Variants in CPEB3 observed in about 807,000 individuals in gnomAD.
CPEB3 encodes cytoplasmic polyadenylation element-binding protein 3.
In CPEB3, 20 loss-of-function variants were observed where a neutral mutation model predicts 67.2. The observed-to-expected ratio is 0.30, with a 90% CI of 0.21 to 0.43. CPEB3 has a LOEUF of 0.43. Ranked by LOEUF, CPEB3 falls within the 20% of genes least tolerant of loss-of-function variation. The pLI is 1.00. For synonymous variants in CPEB3, 376 were observed against 393.1 expected, an observed-to-expected ratio of 0.96 and a Z score of 0.51; for missense variants, 746 against 968.6, an observed-to-expected ratio of 0.77 and a Z score of 3.05.
intron 7 of CPEB3, among the ~76,000 whole-genome samples, chr10:92,098,331 G>A (rs923006032): frequency 1.3e-4 from 20 of 151,352 alleles, no homozygotes; most frequent in African/African-American, 4.9e-4. Flanking sequence ...TTTTTGAGAC[G>A]GAGTTTCGCT....
At chr10:92,062,500 T>C (rs987095032) in intron 9 of CPEB3, among the ~76,000 whole-genome samples, 1 of 152,128 alleles carries the variant, frequency 6.6e-6, no homozygotes, top group Admixed American at 6.6e-5. Context: ...GGAGTGCCTG[T>C]TCCTTGTCAG....
chr10:92,154,687 G>C (rs990388780), intron 4 of CPEB3, among the ~76,000 whole-genome samples: 3 of 152,152 alleles, frequency 2.0e-5, no homozygotes, highest in Admixed American at 6.5e-5. Flanking sequence ...TGTACTCCAA[G>C]CCTCTGGTCA....
intron 7 of CPEB3, among the ~76,000 whole-genome samples, chr10:92,101,460 G>A (rs992033188): frequency 4.6e-5 from 7 of 152,092 alleles, no homozygotes; most frequent in African/African-American, 1.7e-4. Flanking sequence ...TAATAGCCAG[G>A]ATGAGTCAGC....
At chr10:92,267,126 T>C (rs1841356859) in intron 1 of CPEB3, among the ~76,000 whole-genome samples, 1 of 152,116 alleles carries the variant, frequency 6.6e-6, no homozygotes, top group Non-Finnish European at 1.5e-5. Flanking sequence ...TGGTAGAGGA[T>C]GCAGAGGGAA....
At chr10:92,283,316 T>TA (rs1395388461) in intron 1 of CPEB3, among the ~76,000 whole-genome samples, 1 of 152,166 alleles carries the variant, frequency 6.6e-6, no homozygotes, top group Non-Finnish European at 1.5e-5. Context: ...CAGTAATAAT[T>TA]ATTAAGAGCC....
chr10:92,131,790 A>G (rs1590205984), intron 6 of CPEB3, among the ~76,000 whole-genome samples: 1 of 152,312 alleles, frequency 6.6e-6, no homozygotes, highest in Non-Finnish European at 1.5e-5. Context: ...CGTTTTCTGT[A>G]AAGAGATGTG....
Position 92,065,560 on chromosome 10 carries a change from GAGGAAAATTTCAACCCC to G in CPEB3, c.1870-13138_1870-13122del, listed in dbSNP as rs893473034. 1.5e-4 allele frequency among the ~76,000 whole-genome samples: 23 copies of G among 152,242 alleles called. No individual in the cohort carries two copies. The South Asian group carries it at 1.7e-3, about 11-fold the overall frequency. ...AAATGAGTATTATTTCTGACCGATAGAGGAAAATTTCAACCCCAGGAAAATTTCAACCCCAGTTCACT... is the reference window on the plus strand; with the variant it reads ...AAATGAGTATTATTTCTGACCGATAGAGGAAAATTTCAACCCCAGTTCACT... On this transcript the variant is annotated intron_variant, in intron 9 of 9. Transcript: ENST00000265997.
At chr10:92,280,330 C>G (rs1446298764) in intron 1 of CPEB3, among the ~76,000 whole-genome samples, 6 of 66,384 alleles carry the variant, frequency 9.0e-5, no homozygotes, top group African/African-American at 3.7e-4. Flanking sequence ...GCAACAAGAG[C>G]AAAACTCCAT....
At chr10:92,149,596 G>A (rs558159494) in intron 4 of CPEB3, among the ~76,000 whole-genome samples, 3 of 152,192 alleles carry the variant, frequency 2.0e-5, no homozygotes, top group African/African-American at 7.2e-5. Context: ...AGTGGTTATG[G>A]GTAATTAAGA....
In CPEB3 at chr10:92,079,148, T is replaced by C. The variant is rs540450719; in HGVS notation, c.1869+2172A>G. On this transcript the variant is annotated intron_variant, in intron 9 of 9. Coordinates refer to ENST00000265997, the MANE Select transcript of CPEB3 (RefSeq NM_014912.5). The stretch of plus-strand genomic sequence containing the variant: ...CTAGGTTCGCCAGTGATGGTTGCGA[T>C]AGAGGTCTCGATGTAATGGAATCTG... 5.3e-5 allele frequency among the ~76,000 whole-genome samples: 8 copies of C among 152,344 alleles called. No homozygotes were observed. In the East Asian group the frequency reaches 1.3e-3, roughly 26 times the overall value.
At chr10:92,269,468 T>C (rs1344803081) in intron 1 of CPEB3, among the ~76,000 whole-genome samples, 1 of 152,118 alleles carries the variant, frequency 6.6e-6, no homozygotes, top group Non-Finnish European at 1.5e-5. Flanking sequence ...CATGTTCAAA[T>C]ATTTGGGAAC....
intron 9 of CPEB3, among the ~76,000 whole-genome samples, chr10:92,068,109 C>T (rs1322826000): frequency 1.3e-5 from 2 of 152,202 alleles, no homozygotes; most frequent in Non-Finnish European, 2.9e-5. Context: ...TTTCCCATAG[C>T]AGGGCTTCTG....
intron 9 of CPEB3, among the ~76,000 whole-genome samples, chr10:92,074,114 A>G (rs551019637): frequency 6.6e-6 from 1 of 151,530 alleles, no homozygotes; most frequent in Non-Finnish European, 1.5e-5. Flanking sequence ...AATTAAAAAA[A>G]TGGTTTTTTT....
At chr10:92,064,845 CGT>C (rs1447789008) in intron 9 of CPEB3, among the ~76,000 whole-genome samples, 1 of 152,076 alleles carries the variant, frequency 6.6e-6, no homozygotes. Flanking sequence ...CTCAATATAC[CGT>C]GTGTTTCAGA....
chr10:92,235,911 A>G (rs1851507304), intron 2 of CPEB3, among the ~76,000 whole-genome samples: 1 of 152,248 alleles, frequency 6.6e-6, no homozygotes, highest in Non-Finnish European at 1.5e-5. Context: ...AATTTACAAC[A>G]TAAAGAAAAT....
chr10:92,129,309 G>C (rs1564803149), intron 6 of CPEB3, among the ~76,000 whole-genome samples: 1 of 152,064 alleles, frequency 6.6e-6, no homozygotes, highest in African/African-American at 2.4e-5. Context: ...ACACATAGAG[G>C]GGAACAACAG....
chr10:92,123,298 G>C (rs56991961), intron 6 of CPEB3, among the ~76,000 whole-genome samples: 1 of 152,238 alleles, frequency 6.6e-6, no homozygotes, highest in East Asian at 1.9e-4. Context: ...ACCTGACCAA[G>C]GAAACTGAGA....
Position 92,239,379 on chromosome 10 carries a change from C to A in CPEB3, c.972G>T (p.Arg324=), listed in dbSNP as rs1851698495. ...GCAACAGATTGTTACCATTATCGGTCCGGAAAGCGTTATCCTCCATCCAGG... is the reference window on the plus strand; with the variant it reads ...GCAACAGATTGTTACCATTATCGGTACGGAAAGCGTTATCCTCCATCCAGG... ...SKSWMEDNAF[R]TDNGNNLLPF... The change falls in exon 2 of 10, where the codon CGG becomes CGT. Residue 324 remains arginine, a synonymous_variant. Coordinates refer to ENST00000265997, the MANE Select transcript of CPEB3 (RefSeq NM_014912.5). The surrounding 1 kb of genome is among the most constrained non-coding windows in gnomAD (Gnocchi z 6.0). The A allele has an allele frequency of 1.2e-6, 2 of 1,606,476 alleles. No individual in the cohort carries two copies. The highest frequency in any genetic ancestry group is 2.7e-5 in the African/African-American group (2 of 74,816).
chr10:92,148,196 A>T (rs1221127988), intron 4 of CPEB3, among the ~76,000 whole-genome samples: 1 of 152,156 alleles, frequency 6.6e-6, no homozygotes, highest in African/African-American at 2.4e-5. Context: ...CATAACTGTG[A>T]ACTGCAAGGC....
Sources: gnomAD v4.1 joint callset for allele counts (sites outside exome capture counted in the v4.1 genomes callset) on GRCh38, gnomAD v4.1.1 for gene constraint, Gnocchi (gnomAD v3.1) non-coding constraint, MANE v1.5 for transcripts, NCBI Gene and HGNC (gene_info 2026-07-23, HGNC 2026-07-21) for gene names.